PLCG1: variants seen among roughly 807,000 people sequenced by gnomAD.
PLCG1 encodes phospholipase C gamma 1.
In PLCG1, 71 loss-of-function variants were observed where a neutral mutation model predicts 177.8. The ratio of observed to expected loss-of-function variants is 0.40; its 90% CI spans 0.33 to 0.49. PLCG1 has a LOEUF of 0.49. Ranked by LOEUF, PLCG1 falls within the 20% of genes least tolerant of loss-of-function variation. The pLI, the probability that PLCG1 is intolerant of heterozygous loss-of-function variation, is 0.72. For synonymous variants in PLCG1, 658 were observed against 647.9 expected, an observed-to-expected ratio of 1.02 and a Z score of -0.24; for missense variants, 1,281 against 1,709.0, an observed-to-expected ratio of 0.75 and a Z score of 4.42.
intron 1 of PLCG1, among the ~76,000 whole-genome samples, chr20:41,143,161 A>AC (rs1041376651): frequency 3.5e-4 from 53 of 152,168 alleles, no homozygotes; most frequent in African/African-American, 1.3e-3. Context: ...CTAGCCCAGG[A>AC]CGCTATCTGG....
Position 41,174,027 on chromosome 20 carries a change from G to A in PLCG1, c.3645+16G>A. The A allele has an allele frequency of 6.2e-7, 1 of 1,611,724 alleles. No homozygotes were observed. The highest frequency in any genetic ancestry group is 8.5e-7 in the Non-Finnish European group (1 of 1,177,970). ...CCCTGCCAAGGTATCTGCAGCAGGG[G>A]TGGGCTGGCCTGGGGTAGGTGGGAG... On this transcript the variant is annotated intron_variant, in intron 30 of 31. Transcript: ENST00000685551. The surrounding 1 kb of genome is among the most constrained non-coding windows in gnomAD (Gnocchi z 5.8).
Position 41,159,118 on chromosome 20 carries a change from C to T in PLCG1, c.218-488C>T, listed in dbSNP as rs2146030630. Among the ~76,000 whole-genome samples the T allele has an allele frequency of 6.6e-6, 1 of 152,274 alleles. No individual in the cohort carries two copies. The highest frequency in any genetic ancestry group is 3.4e-3 in the Middle Eastern group (1 of 294). On this transcript the variant is annotated intron_variant, in intron 1 of 31. Coordinates refer to ENST00000685551, the MANE Select transcript of PLCG1 (RefSeq NM_002660.3). This position sits in a 1 kb window ranked among gnomAD's most constrained non-coding sequence, Gnocchi z 6.0. ...CTTGCTGAGACTTGTGTGGGGATGG[C>T]TTTAGCAGTTAGGCATTTCAGGGAT...
rs756083551 is a variant in PLCG1 at position 41,172,660 on chromosome 20, TGTGAGGAGG to T, written c.3130+26_3130+34del. 1.9e-5 allele frequency: 31 copies of T among 1,613,160 alleles called. No homozygotes were observed. Among genetic ancestry groups the T allele is most frequent in the Middle Eastern group, 1.6e-4 (1 of 6,082 alleles). ...CCAGACCCCTGGTGAGGAAGTCCCC[TGTGAGGAGG>T]GTGAGGAGGGGCACTGTGGGGCAGC... On this transcript the variant is annotated intron_variant, in intron 26 of 31. Coordinates refer to ENST00000685551, the MANE Select transcript of PLCG1 (RefSeq NM_002660.3). The surrounding 1 kb of genome is among the most constrained non-coding windows in gnomAD (Gnocchi z 7.0).
At chr20:41,170,450 G>T in intron 24 of PLCG1, 181 bp downstream of exon 24, 2 of 625,418 alleles carry the variant, frequency 3.2e-6, no homozygotes, top group Non-Finnish European at 5.5e-6. Flanking sequence ...ATGCAATGTG[G>T]TGTGTTTAGG....
rs892447129 is a variant in PLCG1 at position 41,147,407 on chromosome 20, G to A, written c.217+9549G>A. Among the ~76,000 whole-genome samples, 1 of 152,246 alleles carries A rather than the reference G, an allele frequency of 6.6e-6. No individual in the cohort carries two copies. Among genetic ancestry groups the A allele is most frequent in the Non-Finnish European group, 1.5e-5 (1 of 68,046 alleles). ...TCTGGCCTGAGAACTGGTCTACACC[G>A]GAAGCATGAAGCTCCATACAATCAT... On this transcript the variant is annotated intron_variant, in intron 1 of 31. Coordinates refer to ENST00000685551, the MANE Select transcript of PLCG1 (RefSeq NM_002660.3). This position sits in a 1 kb window ranked among gnomAD's most constrained non-coding sequence, Gnocchi z 4.0.
intron 1 of PLCG1, among the ~76,000 whole-genome samples, chr20:41,140,967 T>G (rs2034805929): frequency 6.6e-6 from 1 of 152,166 alleles, no homozygotes; most frequent in Non-Finnish European, 1.5e-5. Flanking sequence ...TTCCCTGTGG[T>G]CCACGTGGCT....
chr20:41,169,133 G>A lies in PLCG1; in HGVS notation c.2538G>A (p.Val846=). Residue 846 remains valine (V), a synonymous_variant, in exon 22 of 32, where the codon GTG becomes GTA. Transcript: ENST00000685551. ...KKQLWFPSNY[V]EEMVNPVALE... ...AGCTGTGGTTCCCATCAAACTACGT[G>A]GAAGAGATGGTCAACCCCGTGGCCC... 6.2e-7 allele frequency: 1 copy of A among 1,614,034 alleles called. No homozygotes were observed. Among genetic ancestry groups the A allele is most frequent in the Non-Finnish European group, 8.5e-7 (1 of 1,179,874 alleles).
chr20:41,164,980 A>G lies in PLCG1; in HGVS notation c.1265A>G (p.Gln422Arg). Residue 422 changes from glutamine to arginine, a missense_variant, in exon 13 of 32, where the codon CAG (glutamine) becomes CGG (arginine). Physicochemically the swap from Gln to Arg is conservative, Grantham distance 43 (BLOSUM62 1). Coordinates refer to ENST00000685551, the MANE Select transcript of PLCG1 (RefSeq NM_002660.3). This position sits in a 1 kb window ranked among gnomAD's most constrained non-coding sequence, Gnocchi z 6.4. ...GAGGACCACTGCAGCATTGCCCAGCAGAGAAACATGGCCCAATACTTCAAG... is the reference window on the plus strand; with the variant it reads ...GAGGACCACTGCAGCATTGCCCAGCGGAGAAACATGGCCCAATACTTCAAG... ...SIEDHCSIAQ[Q>R]RNMAQYFKKV... 1 of 1,614,208 alleles carries G rather than the reference A, an allele frequency of 6.2e-7. No individual in the cohort carries two copies.
rs756206190 is a variant in PLCG1 at position 41,169,439 on chromosome 20, G to A, written c.2581-18G>A. The A allele has an allele frequency of 1.2e-6, 2 of 1,602,168 alleles. No homozygotes were observed. The highest frequency in any genetic ancestry group is 1.1e-5 in the South Asian group (1 of 90,830). On this transcript the variant is annotated intron_variant, in intron 22 of 31. Transcript: ENST00000685551. ...TGCAGTAGCCATGCTGACCATTGGT[G>A]GGCTTTGCTTCCCACAGCACTTGGA...
chr20:41,174,633 C>T lies in PLCG1; in HGVS notation c.*124C>T. ...GGTCTCGCAGCCTGAAGCCTGGATT[C>T]CAGCAGTGAATGCTAGACAGAAACC... On this transcript the variant is annotated 3_prime_UTR_variant, in exon 32 of 32. Transcript: ENST00000685551. This position sits in a 1 kb window ranked among gnomAD's most constrained non-coding sequence, Gnocchi z 5.8. 2.5e-6 allele frequency: 2 copies of T among 808,600 alleles called. No homozygotes were observed. The highest frequency in any genetic ancestry group is 4.2e-6 in the Non-Finnish European group (2 of 480,956). 50.1% of individuals were successfully genotyped at this position (808,600 alleles called of 1,614,324 possible). A position where few individuals can be genotyped will look rare whatever the true frequency, so the allele number is the denominator to read the frequency against.
Position 41,146,363 on chromosome 20 carries a change from C to T in PLCG1, c.217+8505C>T, listed in dbSNP as rs963714763. ...CTGGGCCTGAGGGCCAAGATGGAAT[C>T]GCTTTTCTCCCTGTAGCAGCCCATC... On this transcript the variant is annotated intron_variant, in intron 1 of 31. Transcript: ENST00000685551. This position sits in a 1 kb window ranked among gnomAD's most constrained non-coding sequence, Gnocchi z 6.3. 6.6e-6 allele frequency among the ~76,000 whole-genome samples: 1 copy of T among 152,210 alleles called. No individual in the cohort carries two copies. Among genetic ancestry groups the T allele is most frequent in the Non-Finnish European group, 1.5e-5 (1 of 68,034 alleles).
rs2035158204 is a variant in PLCG1 at position 41,151,281 on chromosome 20, T to C, written c.218-8325T>C. ...GCTGCTGTGGGGACACTGCAGAGTGTCCCAGTTCTGCCATGACTCACCATA... is the reference window on the plus strand; with the variant it reads ...GCTGCTGTGGGGACACTGCAGAGTGCCCCAGTTCTGCCATGACTCACCATA... On this transcript the variant is annotated intron_variant, in intron 1 of 31. Transcript: ENST00000685551. The surrounding 1 kb of genome is among the most constrained non-coding windows in gnomAD (Gnocchi z 5.5). 1.3e-5 allele frequency among the ~76,000 whole-genome samples: 2 copies of C among 152,144 alleles called. No individual in the cohort carries two copies. The highest frequency in any genetic ancestry group is 1.3e-4 in the Admixed American group (2 of 15,276).
At chr20:41,140,057 G>T (rs984122685) in intron 1 of PLCG1, among the ~76,000 whole-genome samples, 7 of 152,168 alleles carry the variant, frequency 4.6e-5, no homozygotes, top group Non-Finnish European at 1.0e-4. Flanking sequence ...GTATTTGGGG[G>T]ATGGAGGCAG....
intron 1 of PLCG1, among the ~76,000 whole-genome samples, chr20:41,152,828 G>A (rs2035206550): frequency 6.6e-6 from 1 of 152,282 alleles, no homozygotes; most frequent in South Asian, 2.1e-4. Flanking sequence ...GAGAGGAGGG[G>A]GCACCTAGTG....
chr20:41,162,506 C>T lies in PLCG1; in HGVS notation c.567C>T (p.Pro189=). 1 of 1,613,936 alleles carries T rather than the reference C, an allele frequency of 6.2e-7. No individual in the cohort carries two copies. The highest frequency in any genetic ancestry group is 8.5e-7 in the Non-Finnish European group (1 of 1,179,942). The change falls in exon 5 of 32, where the codon CCC becomes CCT. Residue 189 remains proline (P), a synonymous_variant. Transcript: ENST00000685551. ...NMLSQVNYRV[P]NMRFLRERLT... The stretch of plus-strand genomic sequence containing the variant: ...TGTCCCAGGTCAACTACCGGGTCCC[C>T]AACATGCGCTTCCTCCGAGAGCGGC...
rs1202912004 is a variant in PLCG1, at chr20:41,147,049, C to T, written c.217+9191C>T. The stretch of plus-strand genomic sequence containing the variant: ...CAGGGGTGATGGTCCTTCTCTGAGG[C>T]ACTGAAGACCCACTTTATGGTCACC... On this transcript the variant is annotated intron_variant, in intron 1 of 31. Transcript: ENST00000685551. This position sits in a 1 kb window ranked among gnomAD's most constrained non-coding sequence, Gnocchi z 4.0. Among the ~76,000 whole-genome samples the T allele has an allele frequency of 6.6e-6, 1 of 152,186 alleles. No homozygotes were observed. Among genetic ancestry groups the T allele is most frequent in the Non-Finnish European group, 1.5e-5 (1 of 68,028 alleles).
In PLCG1 at chr20:41,166,839, C is replaced by G; in HGVS notation, c.2281C>G (p.Leu761Val). Residue 761 changes from leucine (L) to valine (V), a missense_variant, in exon 19 of 32, where the codon CTG becomes GTG. Around this residue, in one of 4 missense-constraint regions of PLCG1, gnomAD observed 723 missense variants for 1,030.0 expected, o/e 0.70. Transcript: ENST00000685551. The surrounding 1 kb of genome is among the most constrained non-coding windows in gnomAD (Gnocchi z 8.6). ...KLRYPINEEA[L>V]EKIGTAEPDY... ...GCGCTATCCCATCAACGAGGAGGCA[C>G]TGGAGAAGATTGGCACAGCTGTGAG... 1.9e-6 allele frequency: 3 copies of G among 1,614,108 alleles called. No individual in the cohort carries two copies. The highest frequency in any genetic ancestry group is 2.5e-6 in the Non-Finnish European group (3 of 1,180,014).
chr20:41,162,811 C>T (rs1415221635), intron 6 of PLCG1, 86 bp downstream of exon 6: 7 of 1,379,992 alleles, frequency 5.1e-6, no homozygotes, highest in Non-Finnish European at 7.2e-6. Flanking sequence ...CCCTGCTGCC[C>T]TGCTTAGGGG....
Position 41,140,525 on chromosome 20 carries a change from A to G in PLCG1, c.217+2667A>G, listed in dbSNP as rs35169222. 2.0e-5 allele frequency among the ~76,000 whole-genome samples: 3 copies of G among 152,282 alleles called. No individual in the cohort carries two copies. The East Asian group carries it at 5.8e-4, about 29-fold the overall frequency. On this transcript the variant is annotated intron_variant, in intron 1 of 31. Transcript: ENST00000685551. ...TGTGCTACCTTCAGGGTGTTGGTAGACCTGAGGGAGAGACAGTGTGGTTTA... is the reference window on the plus strand; with the variant it reads ...TGTGCTACCTTCAGGGTGTTGGTAGGCCTGAGGGAGAGACAGTGTGGTTTA...
Sources: allele counts gnomAD v4.1 joint callset (sites outside exome capture counted in the v4.1 genomes callset), GRCh38; gene constraint gnomAD v4.1.1; regional missense constraint gnomAD v4.1.1; non-coding constraint Gnocchi (gnomAD v3.1); transcripts MANE v1.5; gene names NCBI Gene and HGNC (gene_info 2026-07-23, HGNC 2026-07-21).